The following ZNF25 variants were observed in gnomAD, a reference collection of about 807,000 sequenced individuals.
ZNF25 encodes zinc finger protein 25.
Under a neutral mutation model 30.9 loss-of-function variants are expected in ZNF25, and 21 were observed. The ratio of observed to expected loss-of-function variants is 0.68; its 90% CI spans 0.48 to 0.98. ZNF25 has a LOEUF of 0.98. Among genes scored for constraint, ZNF25 ranks in the 50% least tolerant of loss-of-function variants. The pLI, the probability that ZNF25 is intolerant of heterozygous loss-of-function variation, is 0.00. For missense variants in ZNF25, 501 were observed against 529.9 expected (o/e 0.95, Z 0.54); for synonymous variants, 169 against 181.3 (o/e 0.93, Z 0.55).
At chr10:37,975,696 G>A (rs949416630) in intron 1 of ZNF25, among the ~76,000 whole-genome samples, 2 of 152,180 alleles carry the variant, frequency 1.3e-5, no homozygotes, top group Non-Finnish European at 2.9e-5. Context: ...GGAGGATGCA[G>A]GAAGGCCTTA....
At chr10:37,971,502 C>T (rs1266728101) in intron 2 of ZNF25, among the ~76,000 whole-genome samples, 1 of 151,970 alleles carries the variant, frequency 6.6e-6, no homozygotes, top group African/African-American at 2.4e-5. Flanking sequence ...TCTTGGAGCT[C>T]CCAGGGATCT....
At chr10:37,970,541 C>A (rs1288425276) in intron 2 of ZNF25, among the ~76,000 whole-genome samples, 3 of 152,142 alleles carry the variant, frequency 2.0e-5, no homozygotes, top group Admixed American at 6.5e-5. Context: ...TGGCTAAATT[C>A]TTTCCCCCCT....
intron 2 of ZNF25, among the ~76,000 whole-genome samples, chr10:37,966,718 C>T (rs2063209408): frequency 6.6e-6 from 1 of 152,156 alleles, no homozygotes; most frequent in African/African-American, 2.4e-5. Context: ...GCCCCTCCTC[C>T]AACATTGAGG....
intron 4 of ZNF25, 37 bp downstream of exon 4, chr10:37,956,972 GCACCAACTACT>G: frequency 7.2e-7 from 1 of 1,383,934 alleles, no homozygotes; most frequent in Non-Finnish European, 1.0e-6. Flanking sequence ...AAGGCAAGAG[GCACCAACTACT>G]CACCAGTAAC....
intron 2 of ZNF25, among the ~76,000 whole-genome samples, chr10:37,969,715 G>T (rs1232012452): frequency 1.3e-5 from 2 of 152,126 alleles, no homozygotes; most frequent in African/African-American, 2.4e-5. Flanking sequence ...TACTGTGAAT[G>T]TACTAAATAT....
intron 2 of ZNF25, among the ~76,000 whole-genome samples, chr10:37,970,517 T>A (rs1343131491): frequency 6.6e-6 from 1 of 152,214 alleles, no homozygotes; most frequent in African/African-American, 2.4e-5. Flanking sequence ...GTTTATACCA[T>A]CCTTATTATT....
rs150017329 is a variant in ZNF25, at chr10:37,967,463, G to A, written c.15+4245C>T. Among the ~76,000 whole-genome samples, 503 of 150,942 alleles carry A rather than the reference G, an allele frequency of 3.3e-3. 5 individuals are homozygous for A. Among genetic ancestry groups the A allele is most frequent in the Middle Eastern group, 0.02 (6 of 294 alleles). ...GAGACAGGGTCTCACTGGCTGGAGT[G>A]CAATGGTCCAGTCATGGCTTACTGC... On this transcript the variant is annotated intron_variant, in intron 2 of 5. Coordinates refer to ENST00000302609, the MANE Select transcript of ZNF25 (RefSeq NM_145011.4).
chr10:37,969,500 G>T (rs77817186), intron 2 of ZNF25, among the ~76,000 whole-genome samples: 3,330 of 152,286 alleles, frequency 0.022, 138 homozygotes, highest in African/African-American at 0.075. Context: ...CTAAGTAAAA[G>T]AAGGCAGATA....
intron 2 of ZNF25, among the ~76,000 whole-genome samples, chr10:37,960,958 C>T (rs908531839): frequency 1.3e-5 from 2 of 152,138 alleles, no homozygotes; most frequent in African/African-American, 2.4e-5. Flanking sequence ...GGACACACAT[C>T]CTAACAAGAG....
intron 2 of ZNF25, among the ~76,000 whole-genome samples, chr10:37,969,036 A>C (rs1782556814): frequency 6.6e-6 from 1 of 152,210 alleles, no homozygotes; most frequent in African/African-American, 2.4e-5. Flanking sequence ...GATGTTCAGC[A>C]TCACTCATCT....
intron 1 of ZNF25, among the ~76,000 whole-genome samples, chr10:37,972,883 G>A (rs1259276717): frequency 6.6e-6 from 1 of 152,102 alleles, no homozygotes; most frequent in Admixed American, 6.6e-5. Context: ...AAAACCAGTA[G>A]CAGGCCAGGC....
chr10:37,957,701 G>C (rs1322296045), intron 2 of ZNF25, among the ~76,000 whole-genome samples, 155 bp from the exon 3 acceptor site: 2 of 152,082 alleles, frequency 1.3e-5, no homozygotes, highest in African/African-American at 2.4e-5. Flanking sequence ...TTCATAGAAG[G>C]AATATTTGTT....
At chr10:37,956,362 G>A (rs535388912) in intron 4 of ZNF25, among the ~76,000 whole-genome samples, 1 of 152,282 alleles carries the variant, frequency 6.6e-6, no homozygotes, top group South Asian at 2.1e-4. Context: ...AACGTTATAA[G>A]TCAGATTTAC....
intron 2 of ZNF25, among the ~76,000 whole-genome samples, chr10:37,965,510 GA>G (rs2135401214): frequency 6.6e-6 from 1 of 152,268 alleles, no homozygotes; most frequent in South Asian, 2.1e-4. Context: ...TGAAAGAAAA[GA>G]ATTCTATTTC....
rs759892833 is a variant in ZNF25 at position 37,953,095 on chromosome 10, C to T, written c.403G>A (p.Val135Ile). ...KFFCQKSALI[V>I]HQHTHSKGKS... ...CCCTTTGAGTGAGTATGCTGATGTA[C>T]TATGAGGGCAGACTTCTGGCAGAAG... is the stretch of plus-strand genomic sequence containing the variant. Residue 135 changes from valine (V) to isoleucine (I), a missense_variant, in exon 6 of 6, where the codon GTA becomes ATA. Physicochemically the swap from Val to Ile is conservative, Grantham distance 29. Coordinates refer to ENST00000302609, the MANE Select transcript of ZNF25 (RefSeq NM_145011.4). 1 of 1,613,740 alleles carries T rather than the reference C, an allele frequency of 6.2e-7. No individual in the cohort carries two copies. The highest frequency in any genetic ancestry group is 1.7e-5 in the Admixed American group (1 of 59,996).
At chr10:37,966,509 G>A (rs2063195882) in intron 2 of ZNF25, among the ~76,000 whole-genome samples, 1 of 152,136 alleles carries the variant, frequency 6.6e-6, no homozygotes, top group African/African-American at 2.4e-5. Context: ...AGGAAGCATG[G>A]CTGTGTAGGC....
At chr10:37,966,472 A>C (rs2063192924) in intron 2 of ZNF25, among the ~76,000 whole-genome samples, 1 of 152,124 alleles carries the variant, frequency 6.6e-6, no homozygotes, top group South Asian at 2.1e-4. Flanking sequence ...AAGAGGTTTA[A>C]TTGACTCATG....
rs182773154 is a variant in ZNF25 at position 37,952,673 on chromosome 10, T to C, written c.825A>G (p.Val275=). ...TCTCCCCTGTGTGCATTCTCTGATG[T>C]ACTGTGAGGTGTGACTTCTGGGAAA... ...KAFSQKSHLT[V]HQRMHTGEKP... Residue 275 remains valine (V), a synonymous_variant, in exon 6 of 6, where the codon GTA becomes GTG. Coordinates refer to ENST00000302609, the MANE Select transcript of ZNF25 (RefSeq NM_145011.4). 6.2e-7 allele frequency: 1 copy of C among 1,613,868 alleles called. No individual in the cohort carries two copies. Among genetic ancestry groups the C allele is most frequent in the Admixed American group, 1.7e-5 (1 of 60,002 alleles).
chr10:37,953,534 A>T (rs1266910928), intron 5 of ZNF25, among the ~76,000 whole-genome samples, 161 bp downstream of exon 5: 2 of 152,246 alleles, frequency 1.3e-5, no homozygotes, highest in African/African-American at 4.8e-5. Context: ...CAAGGTCTCT[A>T]TGAAAAGGGG....
Sources: gnomAD v4.1 joint callset for allele counts (sites outside exome capture counted in the v4.1 genomes callset) on GRCh38, gnomAD v4.1.1 for gene constraint, MANE v1.5 for transcripts, NCBI Gene and HGNC (gene_info 2026-07-23, HGNC 2026-07-21) for gene names.